ACSF2: variants seen among roughly 807,000 people sequenced by gnomAD.
ACSF2 encodes medium-chain acyl-CoA ligase ACSF2, mitochondrial.
ACSF2 carries 52 observed loss-of-function variants against 79.3 expected under a neutral mutation model. The ratio of observed to expected loss-of-function variants is 0.66; its 90% confidence interval spans 0.53 to 0.83. The LOEUF is 0.83. ACSF2 is among the 40% of genes least tolerant of loss of function. The pLI is 0.00. For synonymous variants in ACSF2, 283 were observed against 312.6 expected (o/e 0.91, Z 1.00); for missense variants, 661 against 803.3 (o/e 0.82, Z 2.14).
intron 1 of ACSF2, among the ~76,000 whole-genome samples, chr17:50,430,434 G>A (rs1429360546): frequency 3.3e-5 from 5 of 152,154 alleles, no homozygotes; most frequent in African/African-American, 9.7e-5. Flanking sequence ...TTGGGAGGCC[G>A]AGGCAGGCAG....
intron 4 of ACSF2, among the ~76,000 whole-genome samples, chr17:50,461,955 T>TGTGTGTGC (rs1555611303): frequency 6.7e-6 from 1 of 148,346 alleles, no homozygotes; most frequent in African/African-American, 2.5e-5. Context: ...TGTGTGTGCG[T>TGTGTGTGC]GTGTCCATCC....
At position 50,463,731 on chromosome 17, in the gene ACSF2, C is replaced by T. The variant is rs749045773; in HGVS notation, c.1047-87C>T. The T allele has an allele frequency of 4.0e-6, 6 of 1,513,972 alleles. No homozygotes were observed. The highest frequency in any genetic ancestry group is 1.7e-5 in the Admixed American group (1 of 58,836). 93.8% of individuals were successfully genotyped at this position (1,513,972 alleles called of 1,614,324 possible). A position where few individuals can be genotyped will look rare whatever the true frequency, so the allele number is the denominator to read the frequency against. ...CTCAGGAGCTTCTCCTGCCTATTCC[C>T]TTTGCTGCAGTTTCATGGCGGGGTG... On this transcript the variant is annotated intron_variant, in intron 8 of 15. Coordinates refer to ENST00000300441, the MANE Select transcript of ACSF2 (RefSeq NM_025149.6). The surrounding 1 kb of genome is among the most constrained non-coding windows in gnomAD (Gnocchi z 4.6).
intron 1 of ACSF2, among the ~76,000 whole-genome samples, chr17:50,438,742 T>C (rs1156907708): frequency 6.6e-6 from 1 of 151,876 alleles, no homozygotes; most frequent in African/African-American, 2.4e-5. Flanking sequence ...AATTTTTGGA[T>C]TTTTAGTAGA....
chr17:50,462,743 G>A, intron 6 of ACSF2, 158 bp downstream of exon 6: 1 of 855,550 alleles, frequency 1.2e-6, no homozygotes, highest in African/African-American at 1.7e-5. Flanking sequence ...ATCAGCACCT[G>A]GTGTCCTTGT....
chr17:50,461,592 G>T, intron 3 of ACSF2, 41 bp from the exon 4 acceptor site: 3 of 1,613,774 alleles, frequency 1.9e-6, no homozygotes, highest in Non-Finnish European at 1.7e-6. Context: ...GAGGGACAGG[G>T]TCTGCCCAGA....
intron 10 of ACSF2, chr17:50,465,389 G>T (rs1195285678): frequency 6.2e-7 from 1 of 1,614,030 alleles, no homozygotes; most frequent in East Asian, 2.2e-5. Flanking sequence ...CTTGAACTTG[G>T]CAGGTGAGGC....
intron 1 of ACSF2, among the ~76,000 whole-genome samples, chr17:50,441,963 C>T (rs1295079038): frequency 6.6e-6 from 1 of 152,090 alleles, no homozygotes; most frequent in Admixed American, 6.6e-5. Context: ...CCTTAGCCTC[C>T]CAAGTAGCTG....
chr17:50,439,155 C>T (rs117518146), intron 1 of ACSF2, among the ~76,000 whole-genome samples: 6,185 of 148,398 alleles, frequency 0.042, 168 homozygotes, highest in South Asian at 0.069. Flanking sequence ...ACTGCAGCCT[C>T]AACCTCCTGG....
intron 1 of ACSF2, among the ~76,000 whole-genome samples, chr17:50,456,165 C>T (rs925024539): frequency 2.0e-5 from 3 of 152,190 alleles, no homozygotes; most frequent in Admixed American, 1.3e-4. Flanking sequence ...ATGCCTGACA[C>T]GCCCCAACCC....
intron 1 of ACSF2, chr17:50,426,976 C>A (rs1309329764): frequency 6.5e-7 from 1 of 1,535,730 alleles, no homozygotes; most frequent in Admixed American, 2.0e-5. Flanking sequence ...TCTGCAGCAG[C>A]ACAGTAAGTA....
At position 50,463,577 on chromosome 17, in the gene ACSF2, T is replaced by C; in HGVS notation, c.1046+25T>C. ...GGTGGGCACTGGTGGACAGGCTACT[T>C]GTGGGCTGATAAAACCCTCTTCTTC... On this transcript the variant is annotated intron_variant, in intron 8 of 15. Coordinates refer to ENST00000300441, the MANE Select transcript of ACSF2 (RefSeq NM_025149.6). This position sits in a 1 kb window ranked among gnomAD's most constrained non-coding sequence, Gnocchi z 4.6. 1 of 1,610,788 alleles carries C rather than the reference T, an allele frequency of 6.2e-7. No individual in the cohort carries two copies. The highest frequency in any genetic ancestry group is 8.5e-7 in the Non-Finnish European group (1 of 1,178,118).
At chr17:50,443,413 G>T (rs2031080932) in intron 1 of ACSF2, among the ~76,000 whole-genome samples, 1 of 152,166 alleles carries the variant, frequency 6.6e-6, no homozygotes, top group Non-Finnish European at 1.5e-5. Flanking sequence ...CACAGTTTGG[G>T]ATGCCCTCTT....
chr17:50,427,117 G>A (rs1915064167), intron 1 of ACSF2: 1 of 887,898 alleles, frequency 1.1e-6, no homozygotes, highest in African/African-American at 1.6e-5. Context: ...CACCACTGGG[G>A]AGCCCTGTGC....
chr17:50,426,840 C>A, intron 1 of ACSF2: 1 of 1,480,648 alleles, frequency 6.8e-7, no homozygotes, highest in Non-Finnish European at 9.1e-7. Context: ...TCCTCATCAG[C>A]TGCTCACTAA....
intron 1 of ACSF2, among the ~76,000 whole-genome samples, chr17:50,452,078 G>A (rs2143641103): frequency 6.6e-6 from 1 of 152,166 alleles, no homozygotes; most frequent in East Asian, 1.9e-4. Flanking sequence ...GAGTTCTCAG[G>A]AGCCAGCCCT....
chr17:50,428,043 G>A lies in ACSF2; in HGVS notation c.128+1654G>A, dbSNP rs527275436. 3.3e-5 allele frequency among the ~76,000 whole-genome samples: 5 copies of A among 152,268 alleles called. No homozygotes were observed. The South Asian group carries it at 6.2e-4, about 19-fold the overall frequency. On this transcript the variant is annotated intron_variant, in intron 1 of 15. Transcript: ENST00000300441. Reference sequence around the variant, plus strand: ...CCCCTTCAGAAGCCTCAGGGCTCAGGCCAGGCAAGGTGGTTTATGCCTGTA... The same window carrying A: ...CCCCTTCAGAAGCCTCAGGGCTCAGACCAGGCAAGGTGGTTTATGCCTGTA...
At chr17:50,468,718 G>T in intron 10 of ACSF2, 1 of 1,612,172 alleles carries the variant, frequency 6.2e-7, no homozygotes, top group Non-Finnish European at 8.5e-7. Context: ...CGTGCTGCAG[G>T]TCGCTGTGGC....
chr17:50,464,985 GAGA>G (rs951854866), intron 10 of ACSF2: 5 of 401,042 alleles, frequency 1.2e-5, no homozygotes, highest in African/African-American at 4.1e-5. Flanking sequence ...GGGTGGAGGT[GAGA>G]AGGTCAGTAG....
In ACSF2 at chr17:50,474,231, G is replaced by A. The variant is rs757459567; in HGVS notation, c.1761G>A (p.Val587=). ...ISHFKIPKYI[V]FVTNYPLTIS... ...ACTTCAAGATTCCGAAGTACATCGT[G>A]TTTGTCACAAACTACCCCCTCACCA... Residue 587 remains valine, a synonymous_variant, in exon 15 of 16, where the codon GTG becomes GTA. Transcript: ENST00000300441. The surrounding 1 kb of genome is among the most constrained non-coding windows in gnomAD (Gnocchi z 4.2). 4.3e-6 allele frequency: 7 copies of A among 1,614,086 alleles called. No individual in the cohort carries two copies. Among genetic ancestry groups the A allele is most frequent in the Non-Finnish European group, 8.5e-7 (1 of 1,180,052 alleles).
Sources: allele counts gnomAD v4.1 joint callset (sites outside exome capture counted in the v4.1 genomes callset), GRCh38; gene constraint gnomAD v4.1.1; non-coding constraint Gnocchi (gnomAD v3.1); transcripts MANE v1.5; gene names NCBI Gene and HGNC (gene_info 2026-07-23, HGNC 2026-07-21).